Variants in PAPSS1 observed in about 807,000 individuals in gnomAD.
PAPSS1 encodes bifunctional 3'-phosphoadenosine 5'-phosphosulfate synthase 1.
PAPSS1 carries 50 observed loss-of-function variants against 72.0 expected under a neutral mutation model. The observed-to-expected ratio is 0.69, with a 90% CI of 0.55 to 0.88. The LOEUF (loss-of-function observed/expected upper bound fraction) is 0.88, where lower values mean the gene tolerates loss of function less well. Among genes scored for constraint, PAPSS1 ranks in the 40% least tolerant of loss-of-function variants. The probability of loss-of-function intolerance (pLI) is 0.00; values close to 1 mark genes in which losing one functional copy is unlikely to be tolerated. For missense variants in PAPSS1, 657 were observed against 782.2 expected (o/e 0.84, Z 1.91); for synonymous variants, 261 against 263.6 (o/e 0.99, Z 0.09).
chr4:107,663,949 T>G (rs890880609), intron 5 of PAPSS1, among the ~76,000 whole-genome samples: 1 of 152,262 alleles, frequency 6.6e-6, no homozygotes, highest in Non-Finnish European at 1.5e-5. Flanking sequence ...TTAGTCAGCA[T>G]GTGATCTTCC....
At chr4:107,621,796 T>C (rs1375360651) in intron 11 of PAPSS1, among the ~76,000 whole-genome samples, 4 of 151,554 alleles carry the variant, frequency 2.6e-5, no homozygotes, top group African/African-American at 9.7e-5. Flanking sequence ...AATTTTTTTT[T>C]TGTATTTTTT....
rs1436145328 is a variant in PAPSS1, at chr4:107,644,969, G to C, written c.1339C>G (p.Pro447Ala). ...CCCAGAGGGTGGAGGAGGAGGACAG[G>C]GCGCCGGTAGCCCCTCTCTAGAAGT... ...KQLLERGYRR[P>A]VLLLHPLGGW... The change falls in exon 10 of 12, where the codon CCT becomes GCT. Residue 447 changes from proline to alanine, a missense_variant. This residue lies in a region of PAPSS1 where 166 missense variants were observed against 228.3 expected (regional missense o/e 0.73). Transcript: ENST00000265174. The C allele has an allele frequency of 1.9e-6, 3 of 1,613,804 alleles. No homozygotes were observed. In the East Asian group the frequency reaches 6.7e-5, roughly 36 times the overall value.
intron 3 of PAPSS1, among the ~76,000 whole-genome samples, chr4:107,689,861 C>A (rs4956025): frequency 1.4e-4 from 21 of 152,112 alleles, no homozygotes; most frequent in Non-Finnish European, 2.5e-4. Flanking sequence ...CATGTCCTCC[C>A]CTCCTATCCT....
chr4:107,707,601 A>G (rs1723371781), intron 1 of PAPSS1, among the ~76,000 whole-genome samples: 1 of 152,174 alleles, frequency 6.6e-6, no homozygotes, highest in African/African-American at 2.4e-5. Flanking sequence ...AGCAAAGGGT[A>G]TCTTTCTCCA....
intron 9 of PAPSS1, among the ~76,000 whole-genome samples, chr4:107,645,830 C>T (rs1162531925): frequency 1.3e-5 from 2 of 152,078 alleles, no homozygotes; most frequent in Non-Finnish European, 2.9e-5. Context: ...GATCCCAGCT[C>T]GACTCAGGGA....
intron 11 of PAPSS1, among the ~76,000 whole-genome samples, chr4:107,622,452 AAG>A (rs755511821): frequency 6.6e-6 from 1 of 152,220 alleles, no homozygotes; most frequent in Non-Finnish European, 1.5e-5. Context: ...ATCAACCACT[AAG>A]AGAAAAAAAT....
chr4:107,717,206 AATTT>A (rs1296136439), intron 1 of PAPSS1, among the ~76,000 whole-genome samples: 5 of 152,306 alleles, frequency 3.3e-5, no homozygotes, highest in African/African-American at 9.6e-5. Context: ...ATATTATTGA[AATTT>A]ATTTCGCGGT....
At chr4:107,632,646 T>C (rs1218392379) in intron 10 of PAPSS1, among the ~76,000 whole-genome samples, 4 of 152,262 alleles carry the variant, frequency 2.6e-5, no homozygotes, top group East Asian at 1.9e-4. Flanking sequence ...AATGAAACTT[T>C]AGAATTTAAA....
At chr4:107,618,363 T>C (rs1450518354) in intron 11 of PAPSS1, among the ~76,000 whole-genome samples, 2 of 150,192 alleles carry the variant, frequency 1.3e-5, no homozygotes, top group African/African-American at 2.5e-5. Flanking sequence ...CACAATGGAG[T>C]TGAGATGTGA....
rs530269368 is a variant in PAPSS1, at chr4:107,626,369, G to C, written c.1736+5262C>G. Among the ~76,000 whole-genome samples the C allele has an allele frequency of 1.1e-4, 16 of 152,120 alleles. No homozygotes were observed. In the South Asian group the frequency reaches 3.3e-3, roughly 32 times the overall value. Reference sequence around the variant, plus strand: ...CTATTTCACTAATCTGAATAATCCTGTATCTATCTACCCTAATATAAAGAC... The same window carrying C: ...CTATTTCACTAATCTGAATAATCCTCTATCTATCTACCCTAATATAAAGAC... On this transcript the variant is annotated intron_variant, in intron 11 of 11. Coordinates refer to ENST00000265174, the MANE Select transcript of PAPSS1 (RefSeq NM_005443.5).
chr4:107,698,305 C>G (rs949167565), intron 2 of PAPSS1, among the ~76,000 whole-genome samples: 1 of 152,132 alleles, frequency 6.6e-6, no homozygotes, highest in Non-Finnish European at 1.5e-5. Flanking sequence ...ACATCATTAT[C>G]AAAAAACATA....
intron 11 of PAPSS1, among the ~76,000 whole-genome samples, chr4:107,625,366 T>C (rs1341208096): frequency 1.3e-5 from 2 of 152,178 alleles, no homozygotes. Flanking sequence ...TCCTGTCTTG[T>C]AGCAGAAGGG....
chr4:107,685,415 T>G (rs1350090548), intron 4 of PAPSS1, among the ~76,000 whole-genome samples: 2 of 152,310 alleles, frequency 1.3e-5, no homozygotes, highest in Admixed American at 1.3e-4. Context: ...AAAATTAAAG[T>G]AAGTAAAAGG....
At chr4:107,654,446 A>G (rs1726939508) in intron 8 of PAPSS1, among the ~76,000 whole-genome samples, 1 of 152,170 alleles carries the variant, frequency 6.6e-6, no homozygotes, top group African/African-American at 2.4e-5. Context: ...CTGGCCCTGC[A>G]TTCCTAGCAT....
intron 6 of PAPSS1, among the ~76,000 whole-genome samples, chr4:107,657,725 G>A (rs1349443639): frequency 1.3e-5 from 2 of 149,732 alleles, no homozygotes; most frequent in Non-Finnish European, 3.0e-5. Flanking sequence ...AGCCTGGGCA[G>A]TAGAGTGAGA....
At chr4:107,635,409 A>G (rs1187693787) in intron 10 of PAPSS1, among the ~76,000 whole-genome samples, 2 of 152,022 alleles carry the variant, frequency 1.3e-5, no homozygotes, top group Non-Finnish European at 2.9e-5. Context: ...AATAAACTAA[A>G]AGAATTAAAG....
chr4:107,626,694 C>T (rs1315487519), intron 11 of PAPSS1, among the ~76,000 whole-genome samples: 2 of 152,206 alleles, frequency 1.3e-5, no homozygotes, highest in African/African-American at 4.8e-5. Flanking sequence ...TCATTAATTA[C>T]ATAAAACCTG....
chr4:107,687,276 G>A, intron 3 of PAPSS1, 99 bp from the exon 4 acceptor site: 4 of 796,230 alleles, frequency 5.0e-6, no homozygotes, highest in Non-Finnish European at 7.2e-6. Context: ...AATTTAGTGG[G>A]AAATAGACAA....
intron 11 of PAPSS1, among the ~76,000 whole-genome samples, chr4:107,618,556 G>C (rs577782045): frequency 8.6e-5 from 13 of 151,840 alleles, no homozygotes; most frequent in Admixed American, 2.0e-4. Flanking sequence ...AAGGAGGAGG[G>C]TCAGGAGTGA....
Sources: allele counts gnomAD v4.1 joint callset (sites outside exome capture counted in the v4.1 genomes callset), GRCh38; gene constraint gnomAD v4.1.1; regional missense constraint gnomAD v4.1.1; transcripts MANE v1.5; gene names NCBI Gene and HGNC (gene_info 2026-07-23, HGNC 2026-07-21).